Variants in RBFOX1 observed in about 807,000 individuals in gnomAD.
RBFOX1 encodes RNA binding protein fox-1 homolog 1.
In RBFOX1, 8 loss-of-function variants were observed where a neutral mutation model predicts 57.7. That is an observed-to-expected ratio of 0.14 (90% CI 0.08 to 0.25). The LOEUF (loss-of-function observed/expected upper bound fraction) is 0.25, where lower values mean the gene tolerates loss of function less well. Among genes scored for constraint, RBFOX1 ranks in the 10% least tolerant of loss-of-function variants. RBFOX1 has a pLI of 1.00. For missense variants in RBFOX1, 611 were observed against 548.5 expected (o/e 1.11, Z -1.14); for synonymous variants, 326 against 222.4 (o/e 1.47, Z -4.15).
At chr16:6,742,397 C>T (rs929569661) in intron 3 of RBFOX1, among the ~76,000 whole-genome samples, 2 of 152,100 alleles carry the variant, frequency 1.3e-5, no homozygotes, top group African/African-American at 4.8e-5. Context: ...TGCAAAATGA[C>T]ACAACTCTTC....
chr16:7,114,352 G>C (rs1415463772), intron 4 of RBFOX1, among the ~76,000 whole-genome samples: 1 of 152,162 alleles, frequency 6.6e-6, no homozygotes, highest in Non-Finnish European at 1.5e-5. Context: ...GGAGGTCCAA[G>C]GTCACATATT....
chr16:7,174,428 G>T (rs889854724), intron 4 of RBFOX1, among the ~76,000 whole-genome samples: 1 of 152,056 alleles, frequency 6.6e-6, no homozygotes, highest in Non-Finnish European at 1.5e-5. Context: ...CCTTTCTTGG[G>T]TAGATATTTA....
intron 2 of RBFOX1, among the ~76,000 whole-genome samples, chr16:6,494,309 G>C (rs1232297991): frequency 6.6e-6 from 1 of 152,112 alleles, no homozygotes; most frequent in African/African-American, 2.4e-5. Flanking sequence ...CACCGCCACA[G>C]GTAAGGTACT....
intron 2 of RBFOX1, among the ~76,000 whole-genome samples, chr16:6,496,786 G>A (rs978783504): frequency 1.3e-5 from 2 of 151,888 alleles, no homozygotes; most frequent in Non-Finnish European, 2.9e-5. Flanking sequence ...ATGGTGAAAC[G>A]TCATCTCTAC....
chr16:6,166,404 G>A (rs759870913), intron 1 of RBFOX1, among the ~76,000 whole-genome samples: 4 of 151,986 alleles, frequency 2.6e-5, no homozygotes, highest in African/African-American at 9.7e-5. Context: ...TCCTTGGGGC[G>A]GGGTTGGGGG....
intron 3 of RBFOX1, among the ~76,000 whole-genome samples, chr16:6,852,069 G>A (rs1360273136): frequency 3.3e-5 from 5 of 151,868 alleles, no homozygotes; most frequent in Admixed American, 1.3e-4. Flanking sequence ...GAGACTACAG[G>A]CACCTGCCAC....
chr16:6,494,074 C>T (rs528893788), intron 2 of RBFOX1, among the ~76,000 whole-genome samples: 66 of 152,232 alleles, frequency 4.3e-4, no homozygotes, highest in African/African-American at 1.5e-3. Flanking sequence ...GAAATTTTTA[C>T]AGAGATAAAT....
intron 1 of RBFOX1, among the ~76,000 whole-genome samples, chr16:5,283,730 C>T (rs898942035): frequency 6.6e-6 from 1 of 152,150 alleles, no homozygotes; most frequent in East Asian, 1.9e-4. Flanking sequence ...GTGCCTATAC[C>T]CCCATTGTAT....
intron 3 of RBFOX1, among the ~76,000 whole-genome samples, chr16:6,732,069 C>T (rs1000001573): frequency 6.6e-6 from 1 of 152,092 alleles, no homozygotes; most frequent in African/African-American, 2.4e-5. Flanking sequence ...AGATCTATCC[C>T]TCTTTTAACC....
At chr16:5,770,895 C>T (rs574172351) in intron 3 of RBFOX1, among the ~76,000 whole-genome samples, 7 of 152,210 alleles carry the variant, frequency 4.6e-5, no homozygotes, top group Non-Finnish European at 7.3e-5. Context: ...CTTGCCTCCC[C>T]ATCTTACTGG....
At chr16:5,803,615 GAACTTGATGA>G (rs1425023236) in intron 3 of RBFOX1, among the ~76,000 whole-genome samples, 2 of 152,140 alleles carry the variant, frequency 1.3e-5, no homozygotes, top group African/African-American at 4.8e-5. Flanking sequence ...CATTCATTAA[GAACTTGATGA>G]AATAGGGATG....
At chr16:7,034,411 C>T (rs541706937) in intron 3 of RBFOX1, among the ~76,000 whole-genome samples, 8 of 151,994 alleles carry the variant, frequency 5.3e-5, no homozygotes, top group East Asian at 1.9e-4. Context: ...CCAGGGGTCT[C>T]GGGATGATGA....
intron 3 of RBFOX1, among the ~76,000 whole-genome samples, chr16:6,966,899 CCAT>C (rs2084355151): frequency 1.9e-4 from 27 of 142,802 alleles, no homozygotes; most frequent in Admixed American, 4.7e-4. Context: ...ATCTCTCCAT[CCAT>C]CCATCCATCC....
intron 3 of RBFOX1, among the ~76,000 whole-genome samples, chr16:6,686,659 A>C (rs1284509288): frequency 6.6e-6 from 1 of 152,156 alleles, no homozygotes; most frequent in Non-Finnish European, 1.5e-5. Flanking sequence ...TCCTTTTGAG[A>C]CACAAAGGTA....
intron 1 of RBFOX1, among the ~76,000 whole-genome samples, chr16:6,222,239 G>T (rs892299595): frequency 2.6e-5 from 4 of 152,110 alleles, no homozygotes; most frequent in African/African-American, 7.2e-5. Flanking sequence ...TGGTATTCAG[G>T]TGTGGCAAAT....
chr16:6,962,952 G>A (rs2083333157), intron 3 of RBFOX1, among the ~76,000 whole-genome samples: 1 of 152,086 alleles, frequency 6.6e-6, no homozygotes, highest in African/African-American at 2.4e-5. Flanking sequence ...ATCTTGCTTT[G>A]ATCGCTCAGC....
intron 3 of RBFOX1, among the ~76,000 whole-genome samples, chr16:6,668,640 C>G (rs141487235): frequency 9.2e-5 from 14 of 152,246 alleles, no homozygotes; most frequent in Admixed American, 2.0e-4. Flanking sequence ...TGATGTCATC[C>G]TCATATAACT....
intron 2 of RBFOX1, among the ~76,000 whole-genome samples, chr16:5,540,728 CTT>C (rs2044900790): frequency 6.6e-6 from 1 of 152,194 alleles, no homozygotes; most frequent in Non-Finnish European, 1.5e-5. Flanking sequence ...ACACCCTAGT[CTT>C]TGCTGCTAAA....
chr16:7,554,437 C>G (rs1350071677), intron 5 of RBFOX1, among the ~76,000 whole-genome samples: 1 of 152,168 alleles, frequency 6.6e-6, no homozygotes, highest in African/African-American at 2.4e-5. Flanking sequence ...GGTTGCACTG[C>G]ATGTGGTAAA....
Sources: gnomAD v4.1 joint callset for allele counts (sites outside exome capture counted in the v4.1 genomes callset) on GRCh38, gnomAD v4.1.1 for gene constraint, MANE v1.5 for transcripts, NCBI Gene and HGNC (gene_info 2026-07-23, HGNC 2026-07-21) for gene names.